The following CA10 variants were observed in gnomAD, a reference collection of about 807,000 sequenced individuals.
The protein encoded by CA10 is carbonic anhydrase-related protein 10.
In CA10, 14 loss-of-function variants were observed where a neutral mutation model predicts 44.2. The observed-to-expected ratio is 0.32, with a 90% CI of 0.21 to 0.50. The LOEUF (loss-of-function observed/expected upper bound fraction) is 0.50. Ranked by LOEUF, CA10 falls within the 20% of genes least tolerant of loss-of-function variation. The pLI is 0.99. For missense variants in CA10, 350 were observed against 409.7 expected (o/e 0.85, Z 1.26); for synonymous variants, 159 against 141.6 (o/e 1.12, Z -0.87).
chr17:52,042,388 C>CT (rs777206958), intron 2 of CA10, among the ~76,000 whole-genome samples: 2 of 151,302 alleles, frequency 1.3e-5, no homozygotes, highest in Non-Finnish European at 2.9e-5. Flanking sequence ...AATTGTATGC[C>CT]TTTTTTAAAA....
At chr17:51,633,304 C>T (rs572428356) in intron 8 of CA10, among the ~76,000 whole-genome samples, 172 bp downstream of exon 8, 1 of 152,304 alleles carries the variant, frequency 6.6e-6, no homozygotes, top group African/African-American at 2.4e-5. Flanking sequence ...ATCTGTATCA[C>T]ATATATCAAA....
chr17:51,929,543 C>T (rs1982566284), intron 3 of CA10, among the ~76,000 whole-genome samples: 1 of 152,138 alleles, frequency 6.6e-6, no homozygotes, highest in Admixed American at 6.6e-5. Context: ...GTATCTTGGG[C>T]TTTTCCACCC....
chr17:52,016,462 C>A (rs1307985618), intron 2 of CA10, among the ~76,000 whole-genome samples: 1 of 152,102 alleles, frequency 6.6e-6, no homozygotes, highest in Non-Finnish European at 1.5e-5. Flanking sequence ...TTGGATGTTT[C>A]TCCTCCTCCA....
chr17:52,010,218 T>G (rs917647468), intron 2 of CA10, among the ~76,000 whole-genome samples: 1 of 151,826 alleles, frequency 6.6e-6, no homozygotes, highest in Non-Finnish European at 1.5e-5. Flanking sequence ...TAAAAGTAGA[T>G]CTACTGTTTA....
chr17:51,912,317 T>A (rs1386666233), intron 3 of CA10, among the ~76,000 whole-genome samples: 1 of 152,170 alleles, frequency 6.6e-6, no homozygotes, highest in Non-Finnish European at 1.5e-5. Flanking sequence ...ACCACCATTT[T>A]AAAATATTAG....
At chr17:52,103,715 T>A (rs1988593285) in intron 1 of CA10, among the ~76,000 whole-genome samples, 2 of 152,250 alleles carry the variant, frequency 1.3e-5, no homozygotes, top group Non-Finnish European at 2.9e-5. Flanking sequence ...GTGATTCATA[T>A]ACACAAAATG....
At chr17:52,093,243 T>A (rs1045303690) in intron 1 of CA10, among the ~76,000 whole-genome samples, 1 of 152,158 alleles carries the variant, frequency 6.6e-6, no homozygotes. Flanking sequence ...AATATATTAA[T>A]TTATTGAATT....
At chr17:51,876,028 G>A (rs1003309381) in intron 3 of CA10, among the ~76,000 whole-genome samples, 3 of 152,098 alleles carry the variant, frequency 2.0e-5, no homozygotes, top group Non-Finnish European at 4.4e-5. Flanking sequence ...CCCATTGCAT[G>A]GGGACCATGG....
intron 4 of CA10, among the ~76,000 whole-genome samples, chr17:51,741,266 G>T (rs776691804): frequency 6.6e-6 from 1 of 152,126 alleles, no homozygotes; most frequent in Admixed American, 6.5e-5. Flanking sequence ...ATCCCTCCAG[G>T]GTAGCGCTTA....
chr17:51,801,189 G>A (rs1906911217), intron 3 of CA10, among the ~76,000 whole-genome samples: 1 of 152,266 alleles, frequency 6.6e-6, no homozygotes, highest in Non-Finnish European at 1.5e-5. Flanking sequence ...GGTCCCCAGT[G>A]GCAGCTTCCA....
chr17:52,089,481 A>C (rs1038074543), intron 1 of CA10, among the ~76,000 whole-genome samples: 3 of 152,198 alleles, frequency 2.0e-5, no homozygotes, highest in Admixed American at 2.0e-4. Context: ...TTGACTCATT[A>C]AATTCACATC....
At position 51,923,792 on chromosome 17, in the gene CA10, G is replaced by A. The variant is rs527741876; in HGVS notation, c.279+7198C>T. ...AGTAACAGATTCTGTGGATAGCAAA[G>A]TTCTTTTCCCCATGGGCCTTCTCAC... On this transcript the variant is annotated intron_variant, in intron 3 of 8. Transcript: ENST00000451037. Among the ~76,000 whole-genome samples, 18 of 152,236 alleles carry A rather than the reference G, an allele frequency of 1.2e-4. 1 individual carries two copies. The highest frequency in any genetic ancestry group is 9.8e-4 in the Admixed American group (15 of 15,284).
At chr17:51,746,993 A>C (rs1598024174) in intron 4 of CA10, among the ~76,000 whole-genome samples, 1 of 152,338 alleles carries the variant, frequency 6.6e-6, no homozygotes, top group East Asian at 1.9e-4. Context: ...GGGGTAAAAC[A>C]GATCAAATTA....
intron 1 of CA10, among the ~76,000 whole-genome samples, chr17:52,087,038 A>G (rs1158702544): frequency 1.3e-5 from 2 of 152,074 alleles, no homozygotes; most frequent in African/African-American, 4.8e-5. Context: ...CTGCTTTCTT[A>G]CTCACCATTT....
intron 1 of CA10, among the ~76,000 whole-genome samples, chr17:52,153,900 C>G (rs144508734): frequency 5.1e-4 from 78 of 152,266 alleles, no homozygotes; most frequent in Non-Finnish European, 1.0e-3. Flanking sequence ...GTACTGTTAT[C>G]TCTTTTCTAC....
At chr17:51,676,475 AC>A (rs1210187798) in intron 4 of CA10, among the ~76,000 whole-genome samples, 1 of 152,100 alleles carries the variant, frequency 6.6e-6, no homozygotes, top group African/African-American at 2.4e-5. Flanking sequence ...CTGGGGCCCC[AC>A]CCAGACCTAC....
chr17:51,891,652 T>C (rs1318416237), intron 3 of CA10, among the ~76,000 whole-genome samples: 4 of 152,114 alleles, frequency 2.6e-5, no homozygotes, highest in South Asian at 4.1e-4. Context: ...GAGAAAGCAG[T>C]TGGTTTACTC....
chr17:52,139,604 C>T (rs1459373552), intron 1 of CA10, among the ~76,000 whole-genome samples: 1 of 151,990 alleles, frequency 6.6e-6, no homozygotes, highest in Non-Finnish European at 1.5e-5. Context: ...CTTCCTTTTT[C>T]TACAAAATGT....
At chr17:52,076,481 T>A (rs977449417) in intron 1 of CA10, among the ~76,000 whole-genome samples, 1 of 152,234 alleles carries the variant, frequency 6.6e-6, no homozygotes, top group Admixed American at 6.5e-5. Flanking sequence ...GTCTTTGATG[T>A]GCATTGTGAA....
Sources: gnomAD v4.1 joint callset for allele counts (sites outside exome capture counted in the v4.1 genomes callset) on GRCh38, gnomAD v4.1.1 for gene constraint, MANE v1.5 for transcripts, NCBI Gene and HGNC (gene_info 2026-07-23, HGNC 2026-07-21) for gene names.